The following NPAS3 variants were observed in gnomAD, a reference collection of about 807,000 sequenced individuals.
NPAS3 encodes the protein neuronal PAS domain-containing protein 3.
NPAS3 carries 14 observed loss-of-function variants against 73.1 expected under a neutral mutation model. The ratio of observed to expected loss-of-function variants is 0.19; its 90% CI spans 0.13 to 0.30. NPAS3 has a LOEUF of 0.30. NPAS3 is among the 10% of genes least tolerant of loss of function. The pLI, the probability that NPAS3 is intolerant of heterozygous loss-of-function variation, is 1.00. For synonymous variants in NPAS3, 620 were observed against 541.5 expected (o/e 1.14, Z -2.01); for missense variants, 1,096 against 1,250.0 (o/e 0.88, Z 1.86).
At chr14:33,117,123 C>T (rs1412672525) in intron 2 of NPAS3, among the ~76,000 whole-genome samples, 5 of 151,742 alleles carry the variant, frequency 3.3e-5, no homozygotes, top group African/African-American at 4.8e-5. Flanking sequence ...GTGATGTTTT[C>T]GTACATATAT....
intron 3 of NPAS3, among the ~76,000 whole-genome samples, chr14:33,284,682 A>G (rs570785266): frequency 3.9e-5 from 6 of 152,274 alleles, no homozygotes; most frequent in Admixed American, 6.5e-5. Context: ...GCAAATTCAC[A>G]TTGCATAATA....
In NPAS3 at chr14:33,643,639, T is replaced by C. The variant is rs140292866; in HGVS notation, c.559-32572T>C. 6.8e-4 allele frequency among the ~76,000 whole-genome samples: 103 copies of C among 152,266 alleles called. 1 individual carries two copies. Among genetic ancestry groups the C allele is most frequent in the African/African-American group, 2.5e-3 (102 of 41,558 alleles). ...AGAAAGCTGATTGGTAGCACAGAATTTTCTGAGACAATCTGAATCACATAT... is the reference window on the plus strand; with the variant it reads ...AGAAAGCTGATTGGTAGCACAGAATCTTCTGAGACAATCTGAATCACATAT... On this transcript the variant is annotated intron_variant, in intron 5 of 11. Coordinates refer to ENST00000356141, the Ensembl canonical transcript of NPAS3.
chr14:33,544,802 A>AT (rs1485684128), intron 4 of NPAS3, among the ~76,000 whole-genome samples: 21 of 82,554 alleles, frequency 2.5e-4, no homozygotes, highest in Middle Eastern at 0.013. Flanking sequence ...ATATATATAT[A>AT]TATATATATG....
intron 2 of NPAS3, among the ~76,000 whole-genome samples, chr14:33,079,823 G>C (rs1203220983): frequency 6.6e-6 from 1 of 151,602 alleles, no homozygotes; most frequent in East Asian, 2.0e-4. Flanking sequence ...TGTTGGCCAG[G>C]CTGGTCTCAA....
intron 4 of NPAS3, among the ~76,000 whole-genome samples, chr14:33,540,375 C>T (rs1200615042): frequency 6.6e-6 from 1 of 152,198 alleles, no homozygotes; most frequent in East Asian, 1.9e-4. Flanking sequence ...CTCTCTTCAG[C>T]ATTTTTCTTC....
chr14:33,696,677 A>G (rs2060390986), intron 6 of NPAS3, among the ~76,000 whole-genome samples: 1 of 152,160 alleles, frequency 6.6e-6, no homozygotes, highest in African/African-American at 2.4e-5. Context: ...CCTCCACCTA[A>G]CTAAATCTCT....
intron 3 of NPAS3, among the ~76,000 whole-genome samples, chr14:33,283,478 G>A (rs2041714400): frequency 6.6e-6 from 1 of 152,152 alleles, no homozygotes. Flanking sequence ...TATGTTTCTA[G>A]AATATAAAGC....
At chr14:33,795,591 G>A (rs2063489811) in intron 10 of NPAS3, among the ~76,000 whole-genome samples, 1 of 152,162 alleles carries the variant, frequency 6.6e-6, no homozygotes, top group Admixed American at 6.5e-5. Context: ...AGGCACCCTA[G>A]GGCTAGCAGT....
At chr14:33,496,469 G>A (rs928627217) in intron 4 of NPAS3, among the ~76,000 whole-genome samples, 17 of 151,992 alleles carry the variant, frequency 1.1e-4, no homozygotes, top group Non-Finnish European at 2.1e-4. Context: ...CTGGCAAACC[G>A]AATACAGCAG....
At chr14:33,132,128 G>A (rs528307093) in intron 2 of NPAS3, among the ~76,000 whole-genome samples, 21 of 152,256 alleles carry the variant, frequency 1.4e-4, no homozygotes, top group South Asian at 2.1e-4. Context: ...AGTCTGGGAA[G>A]CAGATATGGA....
chr14:33,219,164 G>T (rs1202468386), intron 3 of NPAS3, among the ~76,000 whole-genome samples: 2 of 152,096 alleles, frequency 1.3e-5, no homozygotes, highest in Non-Finnish European at 2.9e-5. Flanking sequence ...ATCTCATTGT[G>T]GTGACTGTTG....
At chr14:33,413,304 G>A (rs2048010873) in intron 4 of NPAS3, among the ~76,000 whole-genome samples, 1 of 150,172 alleles carries the variant, frequency 6.7e-6, no homozygotes, top group Non-Finnish European at 1.5e-5. Context: ...ATTTGCTACC[G>A]ATAGCACTTT....
At chr14:33,610,128 A>G (rs2057704555) in intron 5 of NPAS3, among the ~76,000 whole-genome samples, 1 of 152,170 alleles carries the variant, frequency 6.6e-6, no homozygotes, top group Admixed American at 6.5e-5. Context: ...CCAGTGTTGG[A>G]AATAAGTCTG....
At chr14:33,324,054 C>CA (rs2043578364) in intron 3 of NPAS3, among the ~76,000 whole-genome samples, 1 of 152,182 alleles carries the variant, frequency 6.6e-6, no homozygotes, top group African/African-American at 2.4e-5. Context: ...GCAGCTTTTA[C>CA]AACGTAGCAT....
chr14:33,522,591 G>C (rs1316010085), intron 4 of NPAS3, among the ~76,000 whole-genome samples: 1 of 152,024 alleles, frequency 6.6e-6, no homozygotes, highest in Admixed American at 6.6e-5. Context: ...GATCAAGGTG[G>C]GAAACAATAC....
rs536382367 is a variant in NPAS3 at position 33,800,183 on chromosome 14, C to T, written c.1876C>T (p.Leu626=). ...GTCCAGCGCGTCGAGCCCAGGCGGC[C>T]TGGACGCGGGCCTGGTGGAGCCCCC... Residue 626 remains leucine (L), a synonymous_variant, in exon 12 of 12, where the codon CTG becomes TTG. Transcript: ENST00000356141. The surrounding 1 kb of genome is among the most constrained non-coding windows in gnomAD (Gnocchi z 6.5). 6.2e-7 allele frequency: 1 copy of T among 1,611,042 alleles called. No homozygotes were observed. The highest frequency in any genetic ancestry group is 1.1e-5 in the South Asian group (1 of 90,928).
intron 3 of NPAS3, among the ~76,000 whole-genome samples, chr14:33,363,908 T>C (rs1009719264): frequency 1.5e-5 from 2 of 131,478 alleles, no homozygotes; most frequent in African/African-American, 5.6e-5. Flanking sequence ...ATTCCATTTA[T>C]TTAGCAATGC....
chr14:33,471,086 C>T (rs1477881049), intron 4 of NPAS3, among the ~76,000 whole-genome samples: 1 of 152,184 alleles, frequency 6.6e-6, no homozygotes, highest in African/African-American at 2.4e-5. Flanking sequence ...GAGCTCTGCG[C>T]ATATTAGGTA....
chr14:33,631,658 C>T (rs1047684537), intron 5 of NPAS3, among the ~76,000 whole-genome samples: 2 of 152,128 alleles, frequency 1.3e-5, no homozygotes, highest in Non-Finnish European at 2.9e-5. Flanking sequence ...GGCGGTGCAT[C>T]GATCTGTATC....
Sources: gnomAD v4.1 joint callset for allele counts (sites outside exome capture counted in the v4.1 genomes callset) on GRCh38, gnomAD v4.1.1 for gene constraint, Gnocchi (gnomAD v3.1) non-coding constraint, MANE v1.5 for transcripts, NCBI Gene and HGNC (gene_info 2026-07-23, HGNC 2026-07-21) for gene names.